UBASH3B: variants seen among roughly 807,000 people sequenced by gnomAD.
UBASH3B encodes the protein ubiquitin associated and SH3 domain containing B.
Under a neutral mutation model 83.4 loss-of-function variants are expected in UBASH3B, and 37 were observed. The observed-to-expected ratio is 0.44, with a 90% confidence interval of 0.34 to 0.58. The LOEUF is 0.58. UBASH3B is among the 20% of genes least tolerant of loss of function. UBASH3B has a pLI of 0.01. For missense variants in UBASH3B, 657 were observed against 827.2 expected (o/e 0.79, Z 2.52); for synonymous variants, 304 against 318.3 (o/e 0.96, Z 0.48).
intron 1 of UBASH3B, among the ~76,000 whole-genome samples, chr11:122,701,945 C>T (rs1864044165): frequency 6.6e-6 from 1 of 152,150 alleles, no homozygotes; most frequent in Non-Finnish European, 1.5e-5. Context: ...CCTCAAACTC[C>T]TGGGCTCACG....
chr11:122,797,225 G>A (rs1861172122), intron 9 of UBASH3B, 192 bp downstream of exon 9: 1 of 625,294 alleles, frequency 1.6e-6, no homozygotes, highest in East Asian at 3.3e-5. Context: ...GTTGACCAAA[G>A]TGAATGAGGT....
chr11:122,737,175 A>G (rs1333501940), intron 1 of UBASH3B, among the ~76,000 whole-genome samples: 1 of 152,208 alleles, frequency 6.6e-6, no homozygotes. Context: ...AAGGTTCTGG[A>G]ACTTTACCCT....
chr11:122,744,798 CTG>C (rs1483450912), intron 1 of UBASH3B, among the ~76,000 whole-genome samples: 2 of 151,082 alleles, frequency 1.3e-5, no homozygotes, highest in African/African-American at 4.9e-5. Flanking sequence ...ATGTGTGTGA[CTG>C]TGTGATCGTG....
intron 1 of UBASH3B, among the ~76,000 whole-genome samples, chr11:122,736,647 GCACA>G (rs1276659984): frequency 6.6e-6 from 1 of 151,912 alleles, no homozygotes; most frequent in African/African-American, 2.4e-5. Context: ...AGGCTAACAC[GCACA>G]CATGATGAGA....
rs763422051 is a variant in UBASH3B at position 122,808,209 on chromosome 11, GGC to G, written c.1812+34_1812+35del. Reference sequence around the variant, plus strand: ...ATTCTCGTACTTTGGGGTCCGTGATGGCTAGTAGTTTGAAGTCAGTACAGTGA... The same window carrying G: ...ATTCTCGTACTTTGGGGTCCGTGATGTAGTAGTTTGAAGTCAGTACAGTGA... On this transcript the variant is annotated intron_variant, in intron 13 of 13. Coordinates refer to ENST00000284273, the MANE Select transcript of UBASH3B (RefSeq NM_032873.5). 346 of 1,554,182 alleles carry G rather than the reference GGC, an allele frequency of 2.2e-4. 1 individual carries two copies. In the Middle Eastern group the frequency reaches 4.5e-3, roughly 20 times the overall value.
chr11:122,783,199 G>A lies in UBASH3B; in HGVS notation c.748G>A (p.Asp250Asn). Residue 250 changes from aspartate (D) to asparagine (N), a missense_variant, in exon 5 of 14, where the codon GAT becomes AAT. Asp to Asn is a conservative substitution (Grantham distance 23, BLOSUM62 1). Transcript: ENST00000284273. ...CTGGGTGGCTACCATATTTTCTCGG[G>A]ATATCCGATTTGCTAACCATGAGGT... ...CDWVATIFSRDIRFANHETLQ... is the reference protein window; with the variant it reads ...CDWVATIFSRNIRFANHETLQ... The A allele has an allele frequency of 6.2e-7, 1 of 1,614,018 alleles. No individual in the cohort carries two copies. Among genetic ancestry groups the A allele is most frequent in the Non-Finnish European group, 8.5e-7 (1 of 1,179,964 alleles).
intron 1 of UBASH3B, among the ~76,000 whole-genome samples, chr11:122,765,265 C>T (rs1312151211): frequency 6.6e-6 from 1 of 152,196 alleles, no homozygotes; most frequent in African/African-American, 2.4e-5. Flanking sequence ...TCCTCTAATG[C>T]CAAGAAGCCC....
At chr11:122,722,327 A>C (rs917818403) in intron 1 of UBASH3B, among the ~76,000 whole-genome samples, 3 of 152,046 alleles carry the variant, frequency 2.0e-5, no homozygotes, top group Non-Finnish European at 4.4e-5. Flanking sequence ...TCTCTCCTGC[A>C]CTCCAGGAAC....
At chr11:122,778,612 T>A (rs1860784894) in intron 3 of UBASH3B, among the ~76,000 whole-genome samples, 1 of 151,282 alleles carries the variant, frequency 6.6e-6, no homozygotes. Context: ...TTTTTCTTTT[T>A]TTTTTTTATG....
Position 122,771,389 on chromosome 11 carries a change from C to T in UBASH3B, c.162-4830C>T, listed in dbSNP as rs921266345. 7.9e-5 allele frequency among the ~76,000 whole-genome samples: 12 copies of T among 152,182 alleles called. No individual in the cohort carries two copies. In the Middle Eastern group the frequency reaches 0.01, roughly 129 times the overall value. On this transcript the variant is annotated intron_variant, in intron 1 of 13. Coordinates refer to ENST00000284273, the MANE Select transcript of UBASH3B (RefSeq NM_032873.5). ...CTGGGATTACAGGCACCCACCACCACGCCACCACGCCCGGCTAATTTTTGT... is the reference window on the plus strand; with the variant it reads ...CTGGGATTACAGGCACCCACCACCATGCCACCACGCCCGGCTAATTTTTGT...
chr11:122,762,703 CT>C (rs1460080927), intron 1 of UBASH3B, among the ~76,000 whole-genome samples: 4 of 152,314 alleles, frequency 2.6e-5, no homozygotes, highest in Admixed American at 2.6e-4. Flanking sequence ...TGCACCTTTC[CT>C]TATGTTATCG....
At chr11:122,736,386 C>A (rs1475306833) in intron 1 of UBASH3B, among the ~76,000 whole-genome samples, 3 of 151,874 alleles carry the variant, frequency 2.0e-5, no homozygotes, top group Non-Finnish European at 4.4e-5. Flanking sequence ...GGGCATCATG[C>A]TAGAAGTTAA....
intron 1 of UBASH3B, among the ~76,000 whole-genome samples, chr11:122,695,908 GT>G (rs1221809147): frequency 6.6e-6 from 1 of 152,136 alleles, no homozygotes; most frequent in African/African-American, 2.4e-5. Context: ...TTGAGCTTAT[GT>G]TTCCACTCAG....
At chr11:122,737,971 G>A (rs1269645514) in intron 1 of UBASH3B, among the ~76,000 whole-genome samples, 4 of 152,148 alleles carry the variant, frequency 2.6e-5, no homozygotes, top group African/African-American at 9.7e-5. Flanking sequence ...AGTGCCTGTA[G>A]AGAAGTCAGA....
intron 1 of UBASH3B, among the ~76,000 whole-genome samples, chr11:122,725,445 G>A (rs76347342): frequency 0.01 from 1,523 of 152,090 alleles, 24 homozygotes; most frequent in African/African-American, 0.034. Flanking sequence ...CTTAACCGTG[G>A]TCAGGAGGCA....
chr11:122,785,219 A>G (rs1192884739), intron 5 of UBASH3B, among the ~76,000 whole-genome samples: 1 of 152,180 alleles, frequency 6.6e-6, no homozygotes, highest in East Asian at 1.9e-4. Flanking sequence ...GGCCTCTTTT[A>G]TCTCTTATTT....
At chr11:122,766,974 G>A (rs1860552476) in intron 1 of UBASH3B, among the ~76,000 whole-genome samples, 1 of 152,180 alleles carries the variant, frequency 6.6e-6, no homozygotes, top group Non-Finnish European at 1.5e-5. Context: ...GAAGAGCCCA[G>A]ACTTCTATTA....
In UBASH3B at chr11:122,777,082, C is replaced by A; in HGVS notation, c.274C>A (p.Leu92Ile). Residue 92 changes from leucine to isoleucine, a missense_variant, in exon 3 of 14, where the codon CTC (leucine) becomes ATC (isoleucine). Coordinates refer to ENST00000284273, the MANE Select transcript of UBASH3B (RefSeq NM_032873.5). ...TGACCCCCTGCCCCGGGAGTACGTC[C>A]TCTACCTCCGTCCCACCGGCCCCTT... ...LDDPLPREYV[L>I]YLRPTGPLAQ... 6.2e-7 allele frequency: 1 copy of A among 1,613,976 alleles called. No individual in the cohort carries two copies. The highest frequency in any genetic ancestry group is 1.1e-5 in the South Asian group (1 of 91,062).
intron 1 of UBASH3B, among the ~76,000 whole-genome samples, chr11:122,730,605 TTTTAA>T (rs1384939106): frequency 1.3e-5 from 2 of 151,980 alleles, no homozygotes; most frequent in African/African-American, 4.8e-5. Context: ...TTTTTTTTTT[TTTTAA>T]TTGAGACAGA....
Sources: gnomAD v4.1 joint callset for allele counts (sites outside exome capture counted in the v4.1 genomes callset) on GRCh38, gnomAD v4.1.1 for gene constraint, MANE v1.5 for transcripts, NCBI Gene and HGNC (gene_info 2026-07-23, HGNC 2026-07-21) for gene names.